The following CATSPERD variants were observed in gnomAD, a reference collection of about 807,000 sequenced individuals.
CATSPERD encodes the protein cation channel sperm-associated auxiliary subunit delta.
Under a neutral mutation model 98.1 loss-of-function variants are expected in CATSPERD, and 86 were observed. The observed-to-expected ratio is 0.88, with a 90% CI of 0.74 to 1.05. The LOEUF is 1.05. CATSPERD is among the 50% of genes least tolerant of loss of function. The pLI is 0.00. For missense variants in CATSPERD, 995 were observed against 1,005.7 expected (o/e 0.99, Z 0.14); for synonymous variants, 394 against 390.2 (o/e 1.01, Z -0.12).
intron 5 of CATSPERD, among the ~76,000 whole-genome samples, chr19:5,735,202 G>C (rs1259244560): frequency 6.6e-6 from 1 of 152,066 alleles, no homozygotes; most frequent in East Asian, 1.9e-4. Flanking sequence ...CAGTGGCCCA[G>C]TCTTGGCTCA....
chr19:5,753,929 A>C (rs2056273726), intron 12 of CATSPERD, among the ~76,000 whole-genome samples: 1 of 151,962 alleles, frequency 6.6e-6, no homozygotes, highest in Non-Finnish European at 1.5e-5. Flanking sequence ...GGGTTGGGGA[A>C]TACTTCTGGA....
intron 11 of CATSPERD, among the ~76,000 whole-genome samples, chr19:5,751,246 C>G (rs1208059175): frequency 8.4e-6 from 1 of 119,742 alleles, no homozygotes; most frequent in African/African-American, 3.1e-5. Context: ...AAAAAAAGGC[C>G]TGGCGCGGTG....
chr19:5,758,157 C>T (rs971435685), intron 14 of CATSPERD, among the ~76,000 whole-genome samples: 4 of 152,002 alleles, frequency 2.6e-5, no homozygotes, highest in East Asian at 1.9e-4. Flanking sequence ...TAACCCAGCC[C>T]GGGGAGGGTA....
In CATSPERD at chr19:5,730,084, G is replaced by C. The variant is rs1205606485; in HGVS notation, c.276+140G>C. On this transcript the variant is annotated intron_variant, in intron 4 of 21. Coordinates refer to ENST00000381624, the MANE Select transcript of CATSPERD (RefSeq NM_152784.4). Reference sequence around the variant, plus strand: ...AATGTACCTCTTCAAGACATTAAGGGCAATTTCTAAGCCTAAAGAAGGGCT... The same window carrying C: ...AATGTACCTCTTCAAGACATTAAGGCCAATTTCTAAGCCTAAAGAAGGGCT... 2.1e-5 allele frequency: 11 copies of C among 527,814 alleles called. No individual in the cohort carries two copies. In the East Asian group the frequency reaches 2.5e-4, roughly 12 times the overall value. The allele number at this position is 527,814 out of a possible 1,614,324, so 32.7% of individuals were successfully genotyped here.
intron 1 of CATSPERD, among the ~76,000 whole-genome samples, chr19:5,723,845 CA>C (rs1366357022): frequency 1.3e-5 from 2 of 151,326 alleles, no homozygotes; most frequent in African/African-American, 2.4e-5. Flanking sequence ...GGTGCAATCT[CA>C]GCTCACCATA....
chr19:5,746,173 A>G, intron 9 of CATSPERD, 110 bp downstream of exon 9: 1 of 1,166,198 alleles, frequency 8.6e-7, no homozygotes, highest in Non-Finnish European at 1.2e-6. Flanking sequence ...CCACTCGGTT[A>G]TTTTTTCTCT....
chr19:5,747,548 G>T (rs961240486), intron 9 of CATSPERD, among the ~76,000 whole-genome samples: 4 of 151,636 alleles, frequency 2.6e-5, no homozygotes, highest in African/African-American at 9.7e-5. Context: ...AAACTCAATG[G>T]CCATCCCTCT....
chr19:5,770,851 C>T (rs1450858968), intron 18 of CATSPERD, 93 bp from the exon 19 acceptor site: 1 of 1,467,380 alleles, frequency 6.8e-7, no homozygotes, highest in Non-Finnish European at 9.2e-7. Flanking sequence ...ATGGACGATC[C>T]CCATTTGCAA....
At chr19:5,778,188 CAA>C (rs1044698163) in intron 21 of CATSPERD, among the ~76,000 whole-genome samples, 186 bp from the exon 22 acceptor site, 2 of 123,436 alleles carry the variant, frequency 1.6e-5, no homozygotes, top group African/African-American at 6.6e-5. Context: ...GCCTGGGTGA[CAA>C]GAGAGGGACT....
intron 20 of CATSPERD, among the ~76,000 whole-genome samples, chr19:5,775,664 A>AAAAG (rs1568378230): frequency 2.7e-5 from 4 of 150,196 alleles, no homozygotes; most frequent in Non-Finnish European, 3.0e-5. Flanking sequence ...AAAAAAAAAA[A>AAAAG]AAAGAAAGAA....
Position 5,723,403 on chromosome 19 carries a change from G to A in CATSPERD, c.72-1405G>A, listed in dbSNP as rs139995783. 8.7e-3 allele frequency among the ~76,000 whole-genome samples: 1,282 copies of A among 148,134 alleles called. 23 individuals are homozygous for A. Among genetic ancestry groups the A allele is most frequent in the African/African-American group, 0.03 (1,206 of 40,400 alleles). ...AGGTTCAAGCGATTCTAGTGCCTCA[G>A]CCCTCAGCCTCCTGAGTATCTGGGA... On this transcript the variant is annotated intron_variant, in intron 1 of 21. Transcript: ENST00000381624.
At chr19:5,763,324 C>A in intron 16 of CATSPERD, 31 bp downstream of exon 16, 2 of 1,574,278 alleles carry the variant, frequency 1.3e-6, no homozygotes, top group South Asian at 2.2e-5. Context: ...GTCCCATATT[C>A]GGTGTCATAA....
chr19:5,766,288 T>TTAA, intron 17 of CATSPERD, 133 bp downstream of exon 17: 85 of 195,694 alleles, frequency 4.3e-4, no homozygotes, highest in Non-Finnish European at 5.3e-4. Flanking sequence ...CCGTCTCTAC[T>TTAA]GAAAAAAAAA....
At position 5,778,427 on chromosome 19, in the gene CATSPERD, C is replaced by T. The variant is rs563789486; in HGVS notation, c.2148C>T (p.Pro716=). 3.0e-5 allele frequency: 48 copies of T among 1,613,858 alleles called. No homozygotes were observed. The Middle Eastern group carries it at 6.6e-4, about 22-fold the overall frequency. Residue 716 remains proline (P), a synonymous_variant, in exon 22 of 22, where the codon CCC becomes CCT. Transcript: ENST00000381624. ...IFSIYVYGAF[P]VQLVSAGVVI... Reference sequence around the variant, plus strand: ...GCATCTACGTGTATGGAGCATTCCCCGTGCAGCTGGTCTCTGCTGGAGTCG... The same window carrying T: ...GCATCTACGTGTATGGAGCATTCCCTGTGCAGCTGGTCTCTGCTGGAGTCG...
chr19:5,775,828 G>A (rs752514575), intron 20 of CATSPERD, among the ~76,000 whole-genome samples: 5 of 152,054 alleles, frequency 3.3e-5, no homozygotes, highest in African/African-American at 7.2e-5. Flanking sequence ...CCTTCTGGGC[G>A]GCAGACGCAG....
chr19:5,744,028 G>A (rs754184234), intron 7 of CATSPERD, among the ~76,000 whole-genome samples: 6 of 152,072 alleles, frequency 3.9e-5, no homozygotes, highest in Non-Finnish European at 7.4e-5. Context: ...CACCCATGCT[G>A]GAGGGCAGTG....
At chr19:5,751,155 G>A (rs1035389213) in intron 11 of CATSPERD, among the ~76,000 whole-genome samples, 11 of 131,586 alleles carry the variant, frequency 8.4e-5, no homozygotes, top group Admixed American at 3.4e-4. Context: ...CTGAGATTGC[G>A]CCACTGCACT....
intron 19 of CATSPERD, 137 bp downstream of exon 19, chr19:5,771,209 C>T (rs2056638112): frequency 2.0e-6 from 2 of 991,340 alleles, no homozygotes; most frequent in Non-Finnish European, 2.9e-6. Context: ...CCACCGTGCT[C>T]CTGCCCCAGC....
chr19:5,740,485 G>T (rs972161321), intron 7 of CATSPERD, among the ~76,000 whole-genome samples: 1 of 151,758 alleles, frequency 6.6e-6, no homozygotes, highest in African/African-American at 2.4e-5. Context: ...TACCCGGGAG[G>T]CTGAGGCCGG....
Sources: gnomAD v4.1 joint callset for allele counts (sites outside exome capture counted in the v4.1 genomes callset) on GRCh38, gnomAD v4.1.1 for gene constraint, MANE v1.5 for transcripts, NCBI Gene and HGNC (gene_info 2026-07-23, HGNC 2026-07-21) for gene names.